Variants in GNB3 observed in about 807,000 individuals in gnomAD.
GNB3 encodes the protein guanine nucleotide-binding protein G(I)/G(S)/G(T) subunit beta-3.
A neutral mutation model predicts 41.2 loss-of-function variants in GNB3; 33 were observed. That is an observed-to-expected ratio of 0.80 (90% CI 0.61 to 1.07). The LOEUF (loss-of-function observed/expected upper bound fraction) is 1.07. Ranked by LOEUF, GNB3 falls within the 50% of genes least tolerant of loss-of-function variation. The probability of loss-of-function intolerance (pLI) is 0.00; values close to 1 mark genes in which losing one functional copy is unlikely to be tolerated. For missense variants in GNB3, 409 were observed against 455.3 expected (o/e 0.90, Z 0.92); for synonymous variants, 172 against 173.4 (o/e 0.99, Z 0.06).
At position 6,843,181 on chromosome 12, in the gene GNB3, G is replaced by GT. The variant is rs782665106; in HGVS notation, c.212dup (p.Ser72LysfsTer59). The GT allele has an allele frequency of 8.1e-6, 13 of 1,613,802 alleles. No individual in the cohort carries two copies. Among genetic ancestry groups the GT allele is most frequent in the South Asian group, 1.1e-5 (1 of 91,080 alleles). On this transcript the variant is annotated frameshift_variant, in exon 5 of 10. Transcript: ENST00000229264. LOFTEE classifies it high-confidence loss of function. The surrounding 1 kb of genome is among the most constrained non-coding windows in gnomAD (Gnocchi z 5.9). ...GGGATGCCCTCTCCCCAGGCTGCTG[G>GT]TAAGTGCCTCGCAAGATGGGAAGCT... is the stretch of plus-strand genomic sequence containing the variant.
chr12:6,841,106 G>A, intron 1 of GNB3, 73 bp downstream of exon 1: 1 of 629,598 alleles, frequency 1.6e-6, no homozygotes, highest in Non-Finnish European at 2.9e-6. Flanking sequence ...GCTGGGGCTG[G>A]ACGCAAAGGA....
rs781879883 is a variant in GNB3 at position 6,846,950 on chromosome 12, T to C, written c.*52T>C. ...GCAGTGAACACACTCAGCAGCCCCC[T>C]GCCCGACCCCATCTCATTCAGGTGT... On this transcript the variant is annotated 3_prime_UTR_variant, in exon 10 of 10. Transcript: ENST00000229264. 1.0e-6 allele frequency: 1 copy of C among 993,070 alleles called. No individual in the cohort carries two copies. Among genetic ancestry groups the C allele is most frequent in the Non-Finnish European group, 1.6e-6 (1 of 638,688 alleles). The allele number at this position is 993,070 out of a possible 1,614,324, so 61.5% of individuals were successfully genotyped here. A position where few individuals can be genotyped will look rare whatever the true frequency, so the allele number is the denominator to read the frequency against.
At chr12:6,844,044 A>G in intron 8 of GNB3, 66 bp downstream of exon 8, 2 of 1,068,240 alleles carry the variant, frequency 1.9e-6, no homozygotes, top group South Asian at 1.5e-5. Flanking sequence ...AACACATACA[A>G]TACACATCCT....
intron 3 of GNB3, 113 bp from the exon 4 acceptor site, chr12:6,842,857 G>T: frequency 1.5e-6 from 1 of 645,694 alleles, no homozygotes. Context: ...CTAAGGCTGG[G>T]GGCCTGACCT....
At chr12:6,841,551 C>A in intron 2 of GNB3, 35 bp from the exon 3 acceptor site, 3 of 1,594,164 alleles carry the variant, frequency 1.9e-6, no homozygotes, top group Non-Finnish European at 1.7e-6. Context: ...ACCCCCACCT[C>A]GCCCTTGCTC....
Position 6,846,820 on chromosome 12 carries a change from G to A in GNB3, c.945G>A (p.Val315=), listed in dbSNP as rs144936565. The A allele has an allele frequency of 5.6e-6, 9 of 1,599,550 alleles. No homozygotes were observed. The African/African-American group carries it at 1.2e-4, about 21-fold the overall frequency. ...VGILSGHDNR[V]SCLGVTADGM... is the part of the protein sequence containing the mutation. ...TCCTCTCTGGCCACGATAACAGGGTGAGCTGCCTGGGAGTCACAGCTGACG... is the reference window on the plus strand; with the variant it reads ...TCCTCTCTGGCCACGATAACAGGGTAAGCTGCCTGGGAGTCACAGCTGACG... Residue 315 remains valine (V), a synonymous_variant, in exon 10 of 10, where the codon GTG becomes GTA. Coordinates refer to ENST00000229264, the MANE Select transcript of GNB3 (RefSeq NM_002075.4).
At chr12:6,844,095 T>TTTC in intron 8 of GNB3, 117 bp downstream of exon 8, 1 of 247,040 alleles carries the variant, frequency 4.0e-6, no homozygotes. Context: ...CTTACTGTAT[T>TTTC]TTTTTTTTTT....
chr12:6,841,390 A>T, intron 2 of GNB3, 46 bp downstream of exon 2: 2 of 1,540,264 alleles, frequency 1.3e-6, no homozygotes, highest in Non-Finnish European at 1.8e-6. Flanking sequence ...ACAGCTGGGG[A>T]CATGAGGAGC....
At chr12:6,846,741 C>A in intron 9 of GNB3, 51 bp from the exon 10 acceptor site, 1 of 1,069,302 alleles carries the variant, frequency 9.4e-7, no homozygotes, top group Non-Finnish European at 1.4e-6. Flanking sequence ...GCACACACTG[C>A]TTTCCAAATC....
intron 3 of GNB3, 37 bp from the exon 4 acceptor site, chr12:6,842,933 C>G: frequency 1.5e-6 from 2 of 1,369,102 alleles, no homozygotes. Context: ...GGCACGTAAC[C>G]TGCTCACCCT....
chr12:6,842,889 A>G (rs1943598558), intron 3 of GNB3, 81 bp from the exon 4 acceptor site: 8 of 877,610 alleles, frequency 9.1e-6, no homozygotes, highest in Non-Finnish European at 1.2e-5. Flanking sequence ...CAGAGCGGGA[A>G]CTTGTATAGA....
chr12:6,842,325 G>C (rs139094559), intron 3 of GNB3, among the ~76,000 whole-genome samples: 204 of 152,308 alleles, frequency 1.3e-3, no homozygotes, highest in Non-Finnish European at 2.5e-3. Flanking sequence ...GACGTGAAAG[G>C]ATCACTTGAG....
chr12:6,844,622 T>C (rs1555124168), intron 8 of GNB3, among the ~76,000 whole-genome samples: 2 of 152,200 alleles, frequency 1.3e-5, no homozygotes, highest in African/African-American at 2.4e-5. Flanking sequence ...GTTCCCACTA[T>C]GTTGCCCAGG....
chr12:6,843,694 A>G lies in GNB3; in HGVS notation c.493A>G (p.Thr165Ala), dbSNP rs1236658235. Reference protein sequence around the residue: ...NNIVTSSGDTTCALWDIETGQ... With the variant: ...NNIVTSSGDTACALWDIETGQ... ...TATTGTGACCAGCTCGGGGGACACCACGTGGTGAGGCTGAACATTGCTGGT... is the reference window on the plus strand; with the variant it reads ...TATTGTGACCAGCTCGGGGGACACCGCGTGGTGAGGCTGAACATTGCTGGT... Residue 165 changes from threonine (T) to alanine (A), a missense_variant, in exon 7 of 10, where the codon ACG becomes GCG. Coordinates refer to ENST00000229264, the MANE Select transcript of GNB3 (RefSeq NM_002075.4). This position sits in a 1 kb window ranked among gnomAD's most constrained non-coding sequence, Gnocchi z 5.9. 6.2e-7 allele frequency: 1 copy of G among 1,613,940 alleles called. No individual in the cohort carries two copies. Among genetic ancestry groups the G allele is most frequent in the East Asian group, 2.2e-5 (1 of 44,896 alleles).
rs11064426 is a variant in GNB3, at chr12:6,844,093, A to C, written c.699+115A>C. On this transcript the variant is annotated intron_variant, in intron 8 of 9. Transcript: ENST00000229264. ...AGCTTCCCTAGCCCTTTCTTACTGTATTTTTTTTTTTTTTTTTTTTTTTTT... is the reference window on the plus strand; with the variant it reads ...AGCTTCCCTAGCCCTTTCTTACTGTCTTTTTTTTTTTTTTTTTTTTTTTTT... 29,145 of 256,024 alleles carry C rather than the reference A, an allele frequency of 0.11. 3,627 individuals carry two copies. Among genetic ancestry groups the C allele is most frequent in the East Asian group, 0.19 (2,707 of 14,230 alleles). The allele number at this position is 256,024 out of a possible 1,614,324, so 15.9% of individuals were successfully genotyped here.
In GNB3 at chr12:6,846,847, G is replaced by A; in HGVS notation, c.972G>A (p.Gly324=). The A allele has an allele frequency of 6.2e-7, 1 of 1,602,466 alleles. No individual in the cohort carries two copies. Among genetic ancestry groups the A allele is most frequent in the Non-Finnish European group, 8.5e-7 (1 of 1,174,562 alleles). ...RVSCLGVTAD[G]MAVATGSWDS... ...GCTGCCTGGGAGTCACAGCTGACGGGATGGCTGTGGCCACAGGTTCCTGGG... is the reference window on the plus strand; with the variant it reads ...GCTGCCTGGGAGTCACAGCTGACGGAATGGCTGTGGCCACAGGTTCCTGGG... Residue 324 remains glycine, a synonymous_variant, in exon 10 of 10, where the codon GGG becomes GGA. Coordinates refer to ENST00000229264, the MANE Select transcript of GNB3 (RefSeq NM_002075.4).
rs782159117 is a variant in GNB3, at chr12:6,843,826, C to T, written c.547C>T (p.His183Tyr). Residue 183 changes from histidine (H) to tyrosine (Y), a missense_variant, in exon 8 of 10, where the codon CAC becomes TAC. Coordinates refer to ENST00000229264, the MANE Select transcript of GNB3 (RefSeq NM_002075.4). This position sits in a 1 kb window ranked among gnomAD's most constrained non-coding sequence, Gnocchi z 5.9. Reference protein sequence around the residue: ...TGQQKTVFVGHTGDCMSLAVS... With the variant: ...TGQQKTVFVGYTGDCMSLAVS... ...GCAGCAGAAGACTGTATTTGTGGGA[C>T]ACACGGGTGACTGCATGAGCCTGGC... 6.2e-7 allele frequency: 1 copy of T among 1,614,106 alleles called. No homozygotes were observed. The highest frequency in any genetic ancestry group is 1.1e-5 in the South Asian group (1 of 91,082).
In GNB3 at chr12:6,846,850, G is replaced by T; in HGVS notation, c.975G>T (p.Met325Ile). The T allele has an allele frequency of 6.2e-7, 1 of 1,602,302 alleles. No homozygotes were observed. ...VSCLGVTADG[M>I]AVATGSWDSF... ...GCCTGGGAGTCACAGCTGACGGGAT[G>T]GCTGTGGCCACAGGTTCCTGGGACA... Residue 325 changes from methionine (M) to isoleucine (I), a missense_variant, in exon 10 of 10, where the codon ATG becomes ATT. Physicochemically the swap from Met to Ile is conservative, Grantham distance 10 (BLOSUM62 1). Transcript: ENST00000229264.
chr12:6,843,273 ATCCT>A lies in GNB3; in HGVS notation c.267+41_267+44del. The A allele has an allele frequency of 6.2e-7, 1 of 1,610,374 alleles. No individual in the cohort carries two copies. On this transcript the variant is annotated intron_variant, in intron 5 of 9. Transcript: ENST00000229264. This position sits in a 1 kb window ranked among gnomAD's most constrained non-coding sequence, Gnocchi z 5.9. Reference sequence around the variant, plus strand: ...TGCCTCCCTGAGCCTCCACCACTGCATCCTTCCTAAGGGCGCCATGCCTACCCTC... The same window carrying A: ...TGCCTCCCTGAGCCTCCACCACTGCATCCTAAGGGCGCCATGCCTACCCTC...
Sources: gnomAD v4.1 joint callset for allele counts (sites outside exome capture counted in the v4.1 genomes callset) on GRCh38, gnomAD v4.1.1 for gene constraint, Gnocchi (gnomAD v3.1) non-coding constraint, MANE v1.5 for transcripts, NCBI Gene and HGNC (gene_info 2026-07-23, HGNC 2026-07-21) for gene names.